Variants in IFT74 observed in about 807,000 individuals in gnomAD.
IFT74 encodes intraflagellar transport protein 74 homolog.
IFT74 carries 92 observed loss-of-function variants against 96.7 expected under a neutral mutation model. That is an observed-to-expected ratio of 0.95 (90% CI 0.80 to 1.13). The LOEUF (loss-of-function observed/expected upper bound fraction) is 1.13. Among genes scored for constraint, IFT74 ranks in the 50% most tolerant of loss-of-function variants. The pLI, the probability that IFT74 is intolerant of heterozygous loss-of-function variation, is 0.00. For synonymous variants in IFT74, 223 were observed against 213.2 expected, an observed-to-expected ratio of 1.05 and a Z score of -0.40; for missense variants, 811 against 698.2, an observed-to-expected ratio of 1.16 and a Z score of -1.82.
At chr9:27,021,770 A>G (rs187205588) in intron 12 of IFT74, among the ~76,000 whole-genome samples, 232 of 151,692 alleles carry the variant, frequency 1.5e-3, no homozygotes, top group African/African-American at 5.2e-3. Context: ...GTTTTCTCCA[A>G]CTCTGTGGGT....
chr9:26,979,397 T>C (rs1476780099), intron 3 of IFT74, among the ~76,000 whole-genome samples: 2 of 152,178 alleles, frequency 1.3e-5, no homozygotes, highest in Non-Finnish European at 2.9e-5. Flanking sequence ...ATAGTAAATT[T>C]ATCAAATGTT....
At chr9:26,982,334 C>A (rs754633152) in intron 4 of IFT74, 5 of 440,698 alleles carry the variant, frequency 1.1e-5, no homozygotes, top group Middle Eastern at 4.2e-4. Flanking sequence ...TGGGATCTCA[C>A]GTCACTGCAA....
chr9:27,047,473 AT>A (rs1404617446), intron 15 of IFT74, 102 bp downstream of exon 15: 1 of 606,554 alleles, frequency 1.6e-6, no homozygotes, highest in African/African-American at 1.9e-5. Context: ...GTATCTTCTC[AT>A]TTAACTGCTT....
In IFT74 at chr9:27,009,172, C is replaced by T; in HGVS notation, c.726+14C>T. 1.2e-6 allele frequency: 2 copies of T among 1,605,264 alleles called. No individual in the cohort carries two copies. Among genetic ancestry groups the T allele is most frequent in the Non-Finnish European group, 1.7e-6 (2 of 1,175,370 alleles). The stretch of plus-strand genomic sequence containing the variant: ...AAACTGTTACAGGTAATACAAATTA[C>T]TGCTGTGTGCCAAGCATGTATCATT... On this transcript the variant is annotated intron_variant, in intron 9 of 19. Coordinates refer to ENST00000380062, the MANE Select transcript of IFT74 (RefSeq NM_025103.4).
chr9:27,011,872 T>A lies in IFT74; in HGVS notation c.727-34T>A, dbSNP rs899944976. ...TACAACAAATTATTCTTAATGTAATTTGGATTTATGTTTGCTTTTTTTTTT... is the reference window on the plus strand; with the variant it reads ...TACAACAAATTATTCTTAATGTAATATGGATTTATGTTTGCTTTTTTTTTT... On this transcript the variant is annotated intron_variant, in intron 9 of 19. Transcript: ENST00000380062. The A allele has an allele frequency of 2.1e-6, 3 of 1,428,130 alleles. No individual in the cohort carries two copies. In the African/African-American group the frequency reaches 4.4e-5, roughly 21 times the overall value. 88.5% of individuals were successfully genotyped at this position (1,428,130 alleles called of 1,614,324 possible). A position where few individuals can be genotyped will look rare whatever the true frequency, so the allele number is the denominator to read the frequency against.
At chr9:27,017,072 A>G in intron 11 of IFT74, 22 bp downstream of exon 11, 1 of 1,583,162 alleles carries the variant, frequency 6.3e-7, no homozygotes, top group Non-Finnish European at 8.6e-7. Context: ...AAACATACTT[A>G]TTTTAAGATG....
intron 8 of IFT74, among the ~76,000 whole-genome samples, chr9:26,991,271 T>A (rs1485985083): frequency 6.6e-6 from 1 of 152,212 alleles, no homozygotes; most frequent in African/African-American, 2.4e-5. Context: ...TTGCCCTTGC[T>A]GAATTGAAGT....
intron 16 of IFT74, among the ~76,000 whole-genome samples, chr9:27,052,433 G>A (rs1006969518): frequency 1.5e-4 from 22 of 151,244 alleles, no homozygotes; most frequent in African/African-American, 2.4e-4. Flanking sequence ...ACTTGGACCC[G>A]GGAGGTGGAG....
chr9:27,036,386 C>G, intron 13 of IFT74: 2 of 1,581,952 alleles, frequency 1.3e-6, no homozygotes, highest in Non-Finnish European at 1.7e-6. Context: ...TATATGTACT[C>G]TTTTTACCAC....
chr9:27,060,442 CT>C (rs892952180), intron 18 of IFT74, 148 bp from the exon 19 acceptor site: 72 of 393,538 alleles, frequency 1.8e-4, no homozygotes, highest in South Asian at 4.5e-4. Context: ...ATTATTTAAT[CT>C]TTTTTTTTCT....
At chr9:27,012,713 T>TG (rs1406852342) in intron 10 of IFT74, among the ~76,000 whole-genome samples, 18 of 133,286 alleles carry the variant, frequency 1.4e-4, no homozygotes, top group African/African-American at 2.1e-4. Flanking sequence ...TGTCTGTTTT[T>TG]TTTTTTTTTT....
At chr9:27,011,260 A>G (rs948640467) in intron 9 of IFT74, among the ~76,000 whole-genome samples, 9 of 152,222 alleles carry the variant, frequency 5.9e-5, no homozygotes, top group African/African-American at 2.2e-4. Flanking sequence ...TCAAAAAGAA[A>G]AAAGAAAGAG....
At chr9:26,980,068 T>C (rs144396669) in intron 3 of IFT74, among the ~76,000 whole-genome samples, 164 of 152,292 alleles carry the variant, frequency 1.1e-3, no homozygotes, top group African/African-American at 3.7e-3. Context: ...AAAAAGTCTC[T>C]GAGACAAATG....
chr9:26,981,709 C>G (rs977854350), intron 4 of IFT74, among the ~76,000 whole-genome samples: 1 of 151,972 alleles, frequency 6.6e-6, no homozygotes, highest in Non-Finnish European at 1.5e-5. Flanking sequence ...CATGAGCCAC[C>G]GCGCCCAACC....
At chr9:27,021,271 G>T (rs1480463414) in intron 12 of IFT74, among the ~76,000 whole-genome samples, 1 of 151,760 alleles carries the variant, frequency 6.6e-6, no homozygotes, top group Non-Finnish European at 1.5e-5. Flanking sequence ...TTTTCCAGTT[G>T]CAAATTGTAC....
chr9:27,061,329 T>G (rs931267444), intron 19 of IFT74, among the ~76,000 whole-genome samples: 1 of 152,228 alleles, frequency 6.6e-6, no homozygotes, highest in African/African-American at 2.4e-5. Context: ...AGTTACAAAC[T>G]GGACAATTTA....
intron 10 of IFT74, among the ~76,000 whole-genome samples, chr9:27,016,418 G>T (rs1829345668): frequency 6.6e-6 from 1 of 152,108 alleles, no homozygotes; most frequent in Admixed American, 6.5e-5. Flanking sequence ...TCCAAATAAA[G>T]GTCAAATTGA....
At chr9:27,040,995 C>CATAT (rs1407083977) in intron 13 of IFT74, among the ~76,000 whole-genome samples, 2 of 152,102 alleles carry the variant, frequency 1.3e-5, no homozygotes, top group Non-Finnish European at 2.9e-5. Context: ...GCAAGAAGAG[C>CATAT]ATATCTCCCT....
chr9:27,051,894 G>A (rs1819936883), intron 16 of IFT74, among the ~76,000 whole-genome samples: 1 of 151,964 alleles, frequency 6.6e-6, no homozygotes, highest in African/African-American at 2.4e-5. Flanking sequence ...ATTTCTTCAG[G>A]ATCCTATTTT....
Sources: allele counts gnomAD v4.1 joint callset (sites outside exome capture counted in the v4.1 genomes callset), GRCh38; gene constraint gnomAD v4.1.1; transcripts MANE v1.5; gene names NCBI Gene and HGNC (gene_info 2026-07-23, HGNC 2026-07-21).